CTNNA3: variants seen among roughly 807,000 people sequenced by gnomAD.
CTNNA3 encodes catenin alpha 3.
Under a neutral mutation model 95.7 loss-of-function variants are expected in CTNNA3, and 76 were observed. The ratio of observed to expected loss-of-function variants is 0.79; its 90% CI spans 0.66 to 0.96. The LOEUF (loss-of-function observed/expected upper bound fraction) is 0.96, where lower values mean the gene tolerates loss of function less well. Ranked by LOEUF, CTNNA3 falls within the 40% of genes least tolerant of loss-of-function variation. The pLI is 0.00. For missense variants in CTNNA3, 1,191 were observed against 1,089.8 expected, an observed-to-expected ratio of 1.09 and a Z score of -1.31; for synonymous variants, 431 against 374.4, an observed-to-expected ratio of 1.15 and a Z score of -1.74.
At chr10:67,298,217 T>C (rs2132487907) in intron 5 of CTNNA3, among the ~76,000 whole-genome samples, 1 of 152,314 alleles carries the variant, frequency 6.6e-6, no homozygotes, top group South Asian at 2.1e-4. Context: ...TGCAGAGACC[T>C]TCCTTTCTCC....
intron 10 of CTNNA3, among the ~76,000 whole-genome samples, chr10:66,529,876 C>T (rs925521729): frequency 3.3e-5 from 5 of 151,962 alleles, no homozygotes; most frequent in South Asian, 2.1e-4. Flanking sequence ...TGATTTTATG[C>T]CCATAAAAAA....
chr10:65,962,025 T>C (rs975977390), intron 17 of CTNNA3, among the ~76,000 whole-genome samples: 2 of 152,172 alleles, frequency 1.3e-5, no homozygotes, highest in African/African-American at 4.8e-5. Context: ...ACTCACTTTA[T>C]GGAGATGGTA....
intron 1 of CTNNA3, among the ~76,000 whole-genome samples, chr10:67,711,148 C>T (rs1841105028): frequency 6.6e-6 from 1 of 152,218 alleles, no homozygotes; most frequent in Non-Finnish European, 1.5e-5. Flanking sequence ...CAATAAACCT[C>T]TTTCTTTTGC....
chr10:66,512,043 C>T (rs1840680828), intron 11 of CTNNA3, among the ~76,000 whole-genome samples: 1 of 151,926 alleles, frequency 6.6e-6, no homozygotes, highest in Non-Finnish European at 1.5e-5. Context: ...CCCTATATAT[C>T]TGAGTGCTCT....
chr10:66,849,515 G>A (rs1419691383), intron 7 of CTNNA3, among the ~76,000 whole-genome samples: 3 of 152,128 alleles, frequency 2.0e-5, no homozygotes, highest in Non-Finnish European at 4.4e-5. Context: ...GAAATAGTGT[G>A]TTGTAGCTTT....
At chr10:66,341,429 C>A (rs2092452007) in intron 12 of CTNNA3, among the ~76,000 whole-genome samples, 3 of 151,686 alleles carry the variant, frequency 2.0e-5, no homozygotes, top group Admixed American at 6.6e-5. Context: ...ATAACATCAG[C>A]AAAATTAAGC....
chr10:66,786,220 G>A (rs1840734444), intron 7 of CTNNA3, among the ~76,000 whole-genome samples: 1 of 151,972 alleles, frequency 6.6e-6, no homozygotes, highest in Non-Finnish European at 1.5e-5. Flanking sequence ...TATATAAATA[G>A]GCCCTTTAAT....
At chr10:65,982,578 T>C (rs2078342270) in intron 16 of CTNNA3, among the ~76,000 whole-genome samples, 1 of 151,018 alleles carries the variant, frequency 6.6e-6, no homozygotes, top group South Asian at 2.1e-4. Context: ...CAATTTGCAA[T>C]TGCATAAATA....
At chr10:67,702,852 A>G (rs554044781) in intron 1 of CTNNA3, among the ~76,000 whole-genome samples, 67 of 152,170 alleles carry the variant, frequency 4.4e-4, no homozygotes, top group Non-Finnish European at 7.9e-4. Context: ...TTTTTTGAAA[A>G]GATCAACAAA....
At chr10:67,113,544 AG>A (rs921787407) in intron 7 of CTNNA3, among the ~76,000 whole-genome samples, 3 of 152,136 alleles carry the variant, frequency 2.0e-5, no homozygotes, top group African/African-American at 7.2e-5. Flanking sequence ...GAGTCCAACA[AG>A]GTTTATTTTC....
chr10:66,763,625 G>A lies in CTNNA3; in HGVS notation c.1281+2639C>T, dbSNP rs985005650. On this transcript the variant is annotated intron_variant, in intron 9 of 17. Transcript: ENST00000433211. Reference sequence around the variant, plus strand: ...TTTGCTATTCCTTCTATTGAGAAATGTAGTCTCACTGCTCCCTTTTCCTGT... The same window carrying A: ...TTTGCTATTCCTTCTATTGAGAAATATAGTCTCACTGCTCCCTTTTCCTGT... Among the ~76,000 whole-genome samples the A allele has an allele frequency of 2.6e-5, 4 of 152,162 alleles. 1 individual carries two copies. The highest frequency in any genetic ancestry group is 5.9e-5 in the Non-Finnish European group (4 of 68,022).
intron 11 of CTNNA3, among the ~76,000 whole-genome samples, chr10:66,503,513 G>C (rs1474422380): frequency 6.6e-6 from 1 of 151,834 alleles, no homozygotes; most frequent in Non-Finnish European, 1.5e-5. Context: ...CTGTCACCCA[G>C]GCTGGAGTGC....
chr10:67,593,788 G>A (rs1477331492), intron 3 of CTNNA3, among the ~76,000 whole-genome samples: 5 of 152,010 alleles, frequency 3.3e-5, no homozygotes, highest in Non-Finnish European at 7.4e-5. Context: ...AGGACTTCCA[G>A]TACTATGTTG....
chr10:66,523,250 CA>C lies in CTNNA3; in HGVS notation c.1375-2478del, dbSNP rs561595931. 3.9e-5 allele frequency among the ~76,000 whole-genome samples: 6 copies of C among 152,264 alleles called. No individual in the cohort carries two copies. In the South Asian group the frequency reaches 1.0e-3, roughly 26 times the overall value. Reference sequence around the variant, plus strand: ...TTGTACTGAAATTATGCCTTCACAGCAAAGTATACTTTTAAAGTACTGGTGT... The same window carrying C: ...TTGTACTGAAATTATGCCTTCACAGCAAGTATACTTTTAAAGTACTGGTGT... On this transcript the variant is annotated intron_variant, in intron 10 of 17. Coordinates refer to ENST00000433211, the MANE Select transcript of CTNNA3 (RefSeq NM_013266.4).
intron 13 of CTNNA3, among the ~76,000 whole-genome samples, chr10:66,120,263 T>C (rs1451560059): frequency 1.3e-5 from 2 of 152,174 alleles, no homozygotes; most frequent in Non-Finnish European, 2.9e-5. Flanking sequence ...GTACCTATCT[T>C]ATAGGGTTGT....
Position 67,158,867 on chromosome 10 carries a change from G to A in CTNNA3, c.1047+21450C>T, listed in dbSNP as rs183242376. Among the ~76,000 whole-genome samples, 835 of 151,590 alleles carry A rather than the reference G, an allele frequency of 5.5e-3. 32 individuals are homozygous for A. The highest frequency in any genetic ancestry group is 0.05 in the Admixed American group (766 of 15,258). Reference sequence around the variant, plus strand: ...AAAAAAAAGTAACAAAAATAAAAGTGAGAACTCCTACTAATAAAAAAGTGA... The same window carrying A: ...AAAAAAAAGTAACAAAAATAAAAGTAAGAACTCCTACTAATAAAAAAGTGA... On this transcript the variant is annotated intron_variant, in intron 7 of 17. Transcript: ENST00000433211.
intron 11 of CTNNA3, among the ~76,000 whole-genome samples, chr10:66,453,059 C>CA (rs36016734): frequency 8.6e-5 from 13 of 150,802 alleles, no homozygotes; most frequent in Admixed American, 2.6e-4. Context: ...ACTAAAAATA[C>CA]AAAAAAAAAT....
chr10:67,677,903 T>A (rs1032128900), intron 1 of CTNNA3, among the ~76,000 whole-genome samples: 6 of 152,108 alleles, frequency 3.9e-5, no homozygotes, highest in African/African-American at 1.4e-4. Context: ...CACCTCCAAG[T>A]AGAGGAACAA....
chr10:66,068,313 TG>T (rs2080357598), intron 15 of CTNNA3, among the ~76,000 whole-genome samples: 1 of 152,162 alleles, frequency 6.6e-6, no homozygotes, highest in South Asian at 2.1e-4. Flanking sequence ...ATCAAATTTT[TG>T]TTTATCCAGT....
Sources: allele counts gnomAD v4.1 joint callset (sites outside exome capture counted in the v4.1 genomes callset), GRCh38; gene constraint gnomAD v4.1.1; transcripts MANE v1.5; gene names NCBI Gene and HGNC (gene_info 2026-07-23, HGNC 2026-07-21).